Variants in GMDS observed in about 807,000 individuals in gnomAD.
GMDS encodes GDP-mannose 4,6 dehydratase.
Under a neutral mutation model 49.9 loss-of-function variants are expected in GMDS, and 20 were observed. The ratio of observed to expected loss-of-function variants is 0.40; its 90% CI spans 0.28 to 0.58. The LOEUF (loss-of-function observed/expected upper bound fraction) is 0.58, where lower values mean the gene tolerates loss of function less well. Ranked by LOEUF, GMDS falls within the 20% of genes least tolerant of loss-of-function variation. GMDS has a pLI of 0.42. For missense variants in GMDS, 362 were observed against 481.4 expected (o/e 0.75, Z 2.32); for synonymous variants, 177 against 178.6 (o/e 0.99, Z 0.07).
intron 1 of GMDS, among the ~76,000 whole-genome samples, chr6:2,214,633 G>T (rs1780234865): frequency 1.3e-5 from 2 of 152,160 alleles, no homozygotes; most frequent in South Asian, 4.2e-4. Flanking sequence ...TATCCTTCAT[G>T]GATACCAAGG....
At chr6:1,852,879 T>C (rs1478110254) in intron 7 of GMDS, among the ~76,000 whole-genome samples, 1 of 151,972 alleles carries the variant, frequency 6.6e-6, no homozygotes, top group East Asian at 2.0e-4. Context: ...GCTAATTTTG[T>C]ATTTTTAGTG....
chr6:1,704,680 G>T (rs879723919), intron 9 of GMDS, among the ~76,000 whole-genome samples: 3 of 152,234 alleles, frequency 2.0e-5, no homozygotes, highest in African/African-American at 4.8e-5. Context: ...TACGTACGCG[G>T]TAAGTGCTCA....
intron 1 of GMDS, among the ~76,000 whole-genome samples, chr6:2,224,810 A>G (rs546117182): frequency 1.6e-4 from 25 of 152,368 alleles, no homozygotes; most frequent in African/African-American, 6.0e-4. Flanking sequence ...GACAGCCAAG[A>G]GTAAAACATT....
At chr6:2,206,519 T>A (rs930381389) in intron 1 of GMDS, among the ~76,000 whole-genome samples, 3 of 152,182 alleles carry the variant, frequency 2.0e-5, no homozygotes, top group Non-Finnish European at 4.4e-5. Context: ...AGGAAACAAG[T>A]TGAACAGAGT....
chr6:1,985,858 G>C (rs75205526), intron 4 of GMDS, among the ~76,000 whole-genome samples: 1 of 152,218 alleles, frequency 6.6e-6, no homozygotes, highest in African/African-American at 2.4e-5. Flanking sequence ...AAAGGTGGCA[G>C]AAGTTTACTG....
At chr6:1,816,352 C>T (rs1393652514) in intron 7 of GMDS, among the ~76,000 whole-genome samples, 1 of 152,132 alleles carries the variant, frequency 6.6e-6, no homozygotes, top group Non-Finnish European at 1.5e-5. Flanking sequence ...ATTCAGAGAG[C>T]TTATTTAGGA....
Position 1,742,167 on chromosome 6 carries a change from G to A in GMDS, c.890+301C>T, listed in dbSNP as rs148324339. 6.6e-5 allele frequency among the ~76,000 whole-genome samples: 10 copies of A among 152,106 alleles called. No individual in the cohort carries two copies. The East Asian group carries it at 1.9e-3, about 30-fold the overall frequency. The stretch of plus-strand genomic sequence containing the variant: ...GAACTCCTGACCTCATGATCCTCCT[G>A]TCTCGGCTTCCCAAAGTGCTGGGAT... On this transcript the variant is annotated intron_variant, in intron 8 of 10. Transcript: ENST00000380815.
intron 9 of GMDS, among the ~76,000 whole-genome samples, chr6:1,651,813 G>T (rs1266328152): frequency 6.6e-6 from 1 of 152,128 alleles, no homozygotes; most frequent in African/African-American, 2.4e-5. Context: ...CCTACACCTG[G>T]CACTCGATAA....
intron 1 of GMDS, among the ~76,000 whole-genome samples, chr6:2,193,156 C>T (rs1035802380): frequency 3.9e-5 from 6 of 152,206 alleles, no homozygotes; most frequent in South Asian, 2.1e-4. Context: ...ACAGTCTGCA[C>T]GGCCAAAGAC....
chr6:1,719,235 G>A (rs554549289), intron 9 of GMDS, among the ~76,000 whole-genome samples: 5 of 152,188 alleles, frequency 3.3e-5, no homozygotes, highest in African/African-American at 4.8e-5. Flanking sequence ...GGAGCCAGAC[G>A]AGTTTTTGCC....
intron 1 of GMDS, among the ~76,000 whole-genome samples, chr6:2,141,115 T>C (rs1354334062): frequency 1.3e-5 from 2 of 152,222 alleles, no homozygotes; most frequent in African/African-American, 4.8e-5. Context: ...CTAAAATATA[T>C]TGTTAATAAC....
At chr6:2,218,911 G>C (rs1166382540) in intron 1 of GMDS, among the ~76,000 whole-genome samples, 2 of 152,126 alleles carry the variant, frequency 1.3e-5, no homozygotes, top group Non-Finnish European at 2.9e-5. Context: ...CAGATTCTAA[G>C]CATTAGGAAT....
intron 7 of GMDS, among the ~76,000 whole-genome samples, chr6:1,803,899 C>T (rs943360009): frequency 6.6e-6 from 1 of 152,160 alleles, no homozygotes; most frequent in Non-Finnish European, 1.5e-5. Flanking sequence ...AAAGAGTTTG[C>T]TGCAACTGAA....
chr6:1,932,631 G>A (rs1281973437), intron 6 of GMDS, among the ~76,000 whole-genome samples: 3 of 148,684 alleles, frequency 2.0e-5, no homozygotes, highest in East Asian at 2.0e-4. Context: ...TCCGCCTCCC[G>A]GGTTCACGCC....
rs1176142918 is a variant in GMDS, at chr6:1,933,602, CT to C, written c.644-3373del. On this transcript the variant is annotated intron_variant, in intron 6 of 10. Transcript: ENST00000380815. ...TATCTTATTGTGGTTCCGATGTGTC[CT>C]TCTCAATAACTAATCATATGAAGCA... Among the ~76,000 whole-genome samples the C allele has an allele frequency of 2.0e-5, 3 of 152,174 alleles. No homozygotes were observed. The East Asian group carries it at 5.8e-4, about 29-fold the overall frequency.
At chr6:1,657,923 T>C (rs990566374) in intron 9 of GMDS, among the ~76,000 whole-genome samples, 2 of 152,000 alleles carry the variant, frequency 1.3e-5, no homozygotes, top group African/African-American at 4.8e-5. Context: ...CCTCCCCTTT[T>C]TAAAGTGAAG....
At chr6:2,179,083 A>G (rs913170407) in intron 1 of GMDS, among the ~76,000 whole-genome samples, 6 of 152,244 alleles carry the variant, frequency 3.9e-5, no homozygotes, top group African/African-American at 1.4e-4. Context: ...GGGATGAGAA[A>G]TAAATGCAAA....
At chr6:1,740,655 T>C (rs1332886874) in intron 8 of GMDS, among the ~76,000 whole-genome samples, 1 of 150,948 alleles carries the variant, frequency 6.6e-6, no homozygotes, top group Non-Finnish European at 1.5e-5. Context: ...AATCCAACAA[T>C]GCATTTTTCA....
chr6:2,178,562 G>C (rs1033115551), intron 1 of GMDS, among the ~76,000 whole-genome samples: 2 of 152,122 alleles, frequency 1.3e-5, no homozygotes, highest in African/African-American at 4.8e-5. Flanking sequence ...TCCAACACCA[G>C]GGGTTCCAAT....
Sources: allele counts gnomAD v4.1 joint callset (sites outside exome capture counted in the v4.1 genomes callset), GRCh38; gene constraint gnomAD v4.1.1; transcripts MANE v1.5; gene names NCBI Gene and HGNC (gene_info 2026-07-23, HGNC 2026-07-21).